DPY19L1: variants seen among roughly 807,000 people sequenced by gnomAD.
DPY19L1 encodes the protein protein C-mannosyl-transferase DPY19L1.
DPY19L1 carries 35 observed loss-of-function variants against 96.9 expected under a neutral mutation model. That is an observed-to-expected ratio of 0.36 (90% CI 0.28 to 0.48). The LOEUF is 0.48. Among genes scored for constraint, DPY19L1 ranks in the 20% least tolerant of loss-of-function variants. DPY19L1 has a pLI of 0.99. For missense variants in DPY19L1, 521 were observed against 777.9 expected (o/e 0.67, Z 3.93); for synonymous variants, 205 against 252.6 (o/e 0.81, Z 1.79).
At chr7:34,937,233 T>C (rs1233616936) in intron 21 of DPY19L1, among the ~76,000 whole-genome samples, 2 of 152,326 alleles carry the variant, frequency 1.3e-5, no homozygotes, top group African/African-American at 2.4e-5. Flanking sequence ...CAAGAGAAAG[T>C]GGGTCACAGT....
chr7:34,953,844 T>C (rs1185563229), intron 13 of DPY19L1, among the ~76,000 whole-genome samples: 2 of 152,160 alleles, frequency 1.3e-5, no homozygotes, highest in African/African-American at 4.8e-5. Context: ...CTTGTTCTTA[T>C]GAAAACCTGT....
chr7:35,006,296 C>T (rs1400419716), intron 6 of DPY19L1, among the ~76,000 whole-genome samples: 2 of 152,152 alleles, frequency 1.3e-5, no homozygotes, highest in Admixed American at 6.5e-5. Flanking sequence ...CCCCGAACTC[C>T]AAAATAATAC....
chr7:34,982,320 A>G (rs1784956109), intron 7 of DPY19L1, among the ~76,000 whole-genome samples: 1 of 152,230 alleles, frequency 6.6e-6, no homozygotes, highest in Non-Finnish European at 1.5e-5. Context: ...GGCAATATAT[A>G]CTGAAGTATT....
At chr7:34,968,414 G>C (rs759803510) in intron 9 of DPY19L1, among the ~76,000 whole-genome samples, 2 of 152,088 alleles carry the variant, frequency 1.3e-5, no homozygotes, top group African/African-American at 2.4e-5. Flanking sequence ...TAAGAGGCTA[G>C]TGAATAGAAT....
intron 9 of DPY19L1, among the ~76,000 whole-genome samples, chr7:34,968,988 A>G (rs1784669498): frequency 1.3e-5 from 2 of 152,080 alleles, no homozygotes; most frequent in Non-Finnish European, 1.5e-5. Context: ...TGAACTGGTT[A>G]GCTATTTATC....
intron 16 of DPY19L1, among the ~76,000 whole-genome samples, chr7:34,944,708 C>T (rs1413217875): frequency 1.3e-5 from 2 of 152,128 alleles, no homozygotes; most frequent in Admixed American, 1.3e-4. Flanking sequence ...TTGGATGTTT[C>T]CATTTCTCAC....
chr7:35,000,128 A>G (rs1785387573), intron 6 of DPY19L1, among the ~76,000 whole-genome samples: 1 of 152,218 alleles, frequency 6.6e-6, no homozygotes, highest in African/African-American at 2.4e-5. Flanking sequence ...ACATTAATAG[A>G]AAGAAAGTTG....
chr7:35,013,610 G>C lies in DPY19L1; in HGVS notation c.507C>G (p.Pro169=). The C allele has an allele frequency of 6.2e-7, 1 of 1,609,728 alleles. No individual in the cohort carries two copies. The highest frequency in any genetic ancestry group is 8.5e-7 in the Non-Finnish European group (1 of 1,177,246). Residue 169 remains proline, a synonymous_variant, in exon 4 of 22, where the codon CCC becomes CCG. Coordinates refer to ENST00000638088, the MANE Select transcript of DPY19L1 (RefSeq NM_001366673.1). ...MIMNDKLTEY[P]LVINTLKRFN... ...ATCTTTTTAATGTATTAATGACAAG[G>C]GGGTATTCAGTCAGTTTATCATTCA...
intron 10 of DPY19L1, among the ~76,000 whole-genome samples, chr7:34,966,266 C>A (rs914649319): frequency 6.6e-6 from 1 of 152,110 alleles, no homozygotes; most frequent in African/African-American, 2.4e-5. Flanking sequence ...GTGTATTCCA[C>A]ATGCCTTGAC....
rs781051508 is a variant in DPY19L1, at chr7:34,931,522, AT to A, written c.*50del. ...TGAACAACACATGACTTAGCAAAAC[AT>A]TAAAACCATTACAGATGTAGTTCTC... On this transcript the variant is annotated 3_prime_UTR_variant, in exon 22 of 22. Transcript: ENST00000638088. The A allele has an allele frequency of 6.8e-7, 1 of 1,463,256 alleles. No individual in the cohort carries two copies. The highest frequency in any genetic ancestry group is 2.6e-5 in the Admixed American group (1 of 38,862). The allele number at this position is 1,463,256 out of a possible 1,614,324, so 90.6% of individuals were successfully genotyped here.
At chr7:34,998,497 A>C (rs1180052332) in intron 6 of DPY19L1, among the ~76,000 whole-genome samples, 3 of 152,190 alleles carry the variant, frequency 2.0e-5, no homozygotes, top group African/African-American at 7.2e-5. Context: ...CCTCATGCAT[A>C]AGTGTCTGCA....
chr7:34,942,353 T>A (rs1016020692), intron 17 of DPY19L1, among the ~76,000 whole-genome samples: 1 of 152,340 alleles, frequency 6.6e-6, no homozygotes, highest in Admixed American at 6.5e-5. Flanking sequence ...AGACACCTCA[T>A]ACATATGTCT....
chr7:35,023,255 G>A (rs528566755), intron 1 of DPY19L1, among the ~76,000 whole-genome samples: 3 of 152,190 alleles, frequency 2.0e-5, no homozygotes, highest in African/African-American at 4.8e-5. Flanking sequence ...CCTAGACGCC[G>A]TCCTGAGGGT....
intron 6 of DPY19L1, among the ~76,000 whole-genome samples, chr7:34,991,678 T>G (rs978976394): frequency 1.3e-5 from 2 of 152,178 alleles, no homozygotes; most frequent in East Asian, 1.9e-4. Context: ...GGAAAAAAAG[T>G]GATTTTCTCA....
Position 34,938,084 on chromosome 7 carries a change from C to T in DPY19L1, c.2000G>A (p.Arg667Gln), listed in dbSNP as rs764567538. ...RTKIVYSMYS[R>Q]KAAEEVKREL... ...TCGCTTCACTTCTTCGGCTGCTTTC[C>T]GACTATACATTGAGTATACTATTTT... is the stretch of plus-strand genomic sequence containing the variant. The change falls in exon 21 of 22, where the codon CGG becomes CAG. Residue 667 changes from arginine to glutamine, a missense_variant. Coordinates refer to ENST00000638088, the MANE Select transcript of DPY19L1 (RefSeq NM_001366673.1). The T allele has an allele frequency of 3.7e-6, 6 of 1,613,650 alleles. No homozygotes were observed. The highest frequency in any genetic ancestry group is 1.1e-5 in the South Asian group (1 of 91,078).
intron 6 of DPY19L1, among the ~76,000 whole-genome samples, chr7:35,005,424 C>A (rs1785527087): frequency 6.6e-6 from 1 of 151,148 alleles, no homozygotes; most frequent in Admixed American, 6.6e-5. Flanking sequence ...TGAATGGGAC[C>A]AGGGCCTCGC....
At chr7:34,995,546 TA>T (rs1307574071) in intron 6 of DPY19L1, among the ~76,000 whole-genome samples, 1 of 152,188 alleles carries the variant, frequency 6.6e-6, no homozygotes, top group Non-Finnish European at 1.5e-5. Flanking sequence ...AAGAATTCTA[TA>T]ATTATCTTCT....
chr7:34,959,925 TTA>T (rs66774079), intron 10 of DPY19L1, among the ~76,000 whole-genome samples: 25,039 of 127,376 alleles, frequency 0.2, 2,710 homozygotes, highest in African/African-American at 0.3. Context: ...ATATATATAT[TTA>T]TATATATATA....
chr7:34,951,820 G>T (rs1241732668), intron 13 of DPY19L1, among the ~76,000 whole-genome samples: 1 of 151,672 alleles, frequency 6.6e-6, no homozygotes, highest in Non-Finnish European at 1.5e-5. Context: ...AAAGCAAAAT[G>T]AAAAAGGGAG....
Sources: gnomAD v4.1 joint callset for allele counts (sites outside exome capture counted in the v4.1 genomes callset) on GRCh38, gnomAD v4.1.1 for gene constraint, MANE v1.5 for transcripts, NCBI Gene and HGNC (gene_info 2026-07-23, HGNC 2026-07-21) for gene names.